Variants in ZNF512 observed in about 807,000 individuals in gnomAD.
ZNF512 encodes zinc finger protein 512.
A neutral mutation model predicts 77.5 loss-of-function variants in ZNF512; 25 were observed. The observed-to-expected ratio is 0.32, with a 90% CI of 0.23 to 0.45. The LOEUF is 0.45. Ranked by LOEUF, ZNF512 falls within the 20% of genes least tolerant of loss-of-function variation. The pLI is 1.00. For synonymous variants in ZNF512, 246 were observed against 239.9 expected (o/e 1.03, Z -0.24); for missense variants, 483 against 692.6 (o/e 0.70, Z 3.40).
At chr2:27,596,727 G>A (rs1671888197) in intron 2 of ZNF512, among the ~76,000 whole-genome samples, 1 of 152,186 alleles carries the variant, frequency 6.6e-6, no homozygotes, top group South Asian at 2.1e-4. Context: ...GGACTTCTGT[G>A]TATTAAATTT....
chr2:27,583,208 C>G, intron 1 of ZNF512, 66 bp downstream of exon 1: 2 of 1,609,914 alleles, frequency 1.2e-6, no homozygotes, highest in Non-Finnish European at 1.7e-6. Flanking sequence ...CACGCGGTCC[C>G]TCGCTTTTGT....
chr2:27,615,773 T>C (rs186376411), intron 11 of ZNF512, among the ~76,000 whole-genome samples: 20 of 152,346 alleles, frequency 1.3e-4, no homozygotes, highest in African/African-American at 4.8e-4. Flanking sequence ...TAGACTCCAC[T>C]TCTTGATGGC....
intron 1 of ZNF512, 136 bp downstream of exon 1, chr2:27,583,278 ACCTGTC>A: frequency 3.6e-6 from 5 of 1,385,072 alleles, no homozygotes; most frequent in Non-Finnish European, 5.1e-6. Flanking sequence ...AGATCAGATC[ACCTGTC>A]CCTTTTTCTT....
chr2:27,618,168 C>T (rs1355695785), intron 13 of ZNF512, among the ~76,000 whole-genome samples: 1 of 152,024 alleles, frequency 6.6e-6, no homozygotes, highest in African/African-American at 2.4e-5. Context: ...GATTCACTCG[C>T]CTTGGCCTCC....
chr2:27,612,612 TTCTC>T, intron 10 of ZNF512, among the ~76,000 whole-genome samples: 1 of 152,208 alleles, frequency 6.6e-6, no homozygotes, highest in East Asian at 1.9e-4. Flanking sequence ...TGTAACTTCT[TTCTC>T]CAACAGTGAG....
At chr2:27,584,317 A>G (rs556744524) in intron 2 of ZNF512, among the ~76,000 whole-genome samples, 1 of 152,372 alleles carries the variant, frequency 6.6e-6, no homozygotes, top group Non-Finnish European at 1.5e-5. Context: ...GGCCGTAAGA[A>G]ATCCTTGTAT....
At chr2:27,583,746 G>T in intron 2 of ZNF512, 30 bp downstream of exon 2, 3 of 1,612,424 alleles carry the variant, frequency 1.9e-6, no homozygotes, top group Non-Finnish European at 2.5e-6. Context: ...GTCCTTTTAT[G>T]ATTGTGTCAC....
intron 2 of ZNF512, among the ~76,000 whole-genome samples, chr2:27,595,386 G>A (rs767219322): frequency 8.0e-5 from 12 of 150,404 alleles, no homozygotes; most frequent in South Asian, 2.1e-4. Context: ...CTGCAGCGGC[G>A]CGATCTCTGC....
chr2:27,611,099 A>G (rs1005914534), intron 10 of ZNF512, among the ~76,000 whole-genome samples: 1 of 152,176 alleles, frequency 6.6e-6, no homozygotes, highest in Non-Finnish European at 1.5e-5. Context: ...TGATGTACAT[A>G]TAAGCAATGT....
intron 9 of ZNF512, 145 bp downstream of exon 9, chr2:27,603,452 G>A (rs958741798): frequency 1.1e-5 from 9 of 842,780 alleles, no homozygotes; most frequent in South Asian, 2.7e-5. Context: ...TTCTTTATTC[G>A]TTCTTTGTCC....
chr2:27,604,445 T>A (rs576248510), intron 9 of ZNF512, among the ~76,000 whole-genome samples: 3 of 151,936 alleles, frequency 2.0e-5, no homozygotes, highest in African/African-American at 7.3e-5. Flanking sequence ...ATTATAAGAG[T>A]TTTGACACAT....
intron 10 of ZNF512, among the ~76,000 whole-genome samples, chr2:27,608,513 G>A (rs1358900734): frequency 1.3e-5 from 2 of 151,930 alleles, no homozygotes; most frequent in Non-Finnish European, 2.9e-5. Context: ...TGTCTACTTG[G>A]CCTTCTTCTT....
chr2:27,616,469 T>C (rs1572936607), intron 12 of ZNF512, 145 bp downstream of exon 12: 1 of 657,668 alleles, frequency 1.5e-6, no homozygotes, highest in East Asian at 2.8e-5. Flanking sequence ...TCTAAGATTC[T>C]TGGTCTGGTA....
intron 10 of ZNF512, among the ~76,000 whole-genome samples, chr2:27,610,585 T>TACA (rs1672614621): frequency 1.3e-5 from 1 of 74,862 alleles, no homozygotes; most frequent in African/African-American, 5.5e-5. Context: ...TTTTTTTTTT[T>TACA]TTTTTTTTTT....
At chr2:27,583,388 C>T (rs757515322) in intron 1 of ZNF512, 8 of 1,403,306 alleles carry the variant, frequency 5.7e-6, no homozygotes, top group Non-Finnish European at 7.5e-6. Context: ...CCCAATGTCT[C>T]TCATATCCGT....
intron 2 of ZNF512, among the ~76,000 whole-genome samples, chr2:27,597,698 C>T (rs1478390452): frequency 2.6e-5 from 4 of 152,176 alleles, no homozygotes; most frequent in Non-Finnish European, 5.9e-5. Flanking sequence ...ATCCCTCTGT[C>T]AGAGAAAGAG....
chr2:27,613,851 A>C (rs932462986), intron 10 of ZNF512, among the ~76,000 whole-genome samples: 1 of 152,104 alleles, frequency 6.6e-6, no homozygotes, highest in Non-Finnish European at 1.5e-5. Flanking sequence ...TAAATGTGAT[A>C]GTTTATTACT....
intron 2 of ZNF512, among the ~76,000 whole-genome samples, chr2:27,593,195 TACACACACACACACACACACAC>T (rs57568574): frequency 2.1e-4 from 23 of 112,142 alleles, no homozygotes; most frequent in Admixed American, 5.5e-4. Flanking sequence ...ACCCTGTCTC[TACACACACACACACACACACAC>T]ACACACACAC....
chr2:27,591,176 A>G (rs1054834576), intron 2 of ZNF512, among the ~76,000 whole-genome samples: 2 of 152,190 alleles, frequency 1.3e-5, no homozygotes, highest in Admixed American at 6.5e-5. Flanking sequence ...AGCTGGGACT[A>G]TAGTTGCATG....
Sources: gnomAD v4.1 joint callset for allele counts (sites outside exome capture counted in the v4.1 genomes callset) on GRCh38, gnomAD v4.1.1 for gene constraint, MANE v1.5 for transcripts, NCBI Gene and HGNC (gene_info 2026-07-23, HGNC 2026-07-21) for gene names.